KCTD1: variants seen among roughly 807,000 people sequenced by gnomAD.
The protein encoded by KCTD1 is potassium channel tetramerization domain containing 1.
In KCTD1, 24 loss-of-function variants were observed where a neutral mutation model predicts 66.0. The observed-to-expected ratio is 0.36, with a 90% CI of 0.26 to 0.51. The LOEUF is 0.51. Among genes scored for constraint, KCTD1 ranks in the 20% least tolerant of loss-of-function variants. The pLI, the probability that KCTD1 is intolerant of heterozygous loss-of-function variation, is 0.95. For synonymous variants in KCTD1, 511 were observed against 517.2 expected, an observed-to-expected ratio of 0.99 and a Z score of 0.16; for missense variants, 943 against 1,205.2, an observed-to-expected ratio of 0.78 and a Z score of 3.22.
At position 26,656,079 on chromosome 18, in the gene KCTD1, G is replaced by A. The variant is rs1449450374; in HGVS notation, c.9+1281C>T. ...GTTGGGGGGGCGGAGGAGGAAAGAGGTCAGAAAGGAGCCAAACTGAATCCC... is the reference window on the plus strand; with the variant it reads ...GTTGGGGGGGCGGAGGAGGAAAGAGATCAGAAAGGAGCCAAACTGAATCCC... On this transcript the variant is annotated intron_variant, in intron 1 of 4. Transcript: ENST00000580191. 2.0e-5 allele frequency among the ~76,000 whole-genome samples: 3 copies of A among 152,192 alleles called. No homozygotes were observed. The East Asian group carries it at 5.8e-4, about 30-fold the overall frequency.
intron 2 of KCTD1, among the ~76,000 whole-genome samples, chr18:26,485,748 C>T (rs1981884185): frequency 6.6e-6 from 1 of 152,066 alleles, no homozygotes; most frequent in Non-Finnish European, 1.5e-5. Context: ...CCACCCTCCT[C>T]TCAACACTGT....
At chr18:26,549,792 G>C, upstream of KCTD1, 1 of 985,468 alleles carries the variant, frequency 1.0e-6, no homozygotes, top group Non-Finnish European at 1.2e-6. Flanking sequence ...GCGCGGGGGC[G>C]GGCACCTCGG....
rs935291472 is a variant in KCTD1 at position 26,501,203 on chromosome 18, T to G, written c.1857A>C (p.Ala619=). 2 of 1,614,058 alleles carry G rather than the reference T, an allele frequency of 1.2e-6. No individual in the cohort carries two copies. The highest frequency in any genetic ancestry group is 1.7e-6 in the Non-Finnish European group (2 of 1,180,028). ...MSRPLITRSP[A]SPLNNQGIPT... ...GGATGCCTTGGTTGTTCAGTGGAGA[T>G]GCAGGGGATCTAGTGATCAGAGGTC... Residue 619 remains alanine, a synonymous_variant, in exon 2 of 5, where the codon GCA becomes GCC. Coordinates refer to ENST00000580059, the MANE Select transcript of KCTD1 (RefSeq NM_001142730.3).
chr18:26,590,414 G>T (rs1313624971), intron 1 of KCTD1, among the ~76,000 whole-genome samples: 1 of 152,090 alleles, frequency 6.6e-6, no homozygotes, highest in East Asian at 1.9e-4. Context: ...TCATTTATTA[G>T]AAATGTATTA....
intron 2 of KCTD1, among the ~76,000 whole-genome samples, chr18:26,494,720 A>G (rs1982379168): frequency 6.6e-6 from 1 of 152,212 alleles, no homozygotes; most frequent in Admixed American, 6.5e-5. Context: ...AGAGAAGAGG[A>G]AAATTTCTTC....
chr18:26,558,753 C>T (rs1423876824), intron 1 of KCTD1, among the ~76,000 whole-genome samples: 2 of 152,050 alleles, frequency 1.3e-5, no homozygotes, highest in Non-Finnish European at 2.9e-5. Flanking sequence ...GAAACCCCGT[C>T]TCTACTAAAA....
intron 1 of KCTD1, among the ~76,000 whole-genome samples, chr18:26,627,220 C>G (rs997436834): frequency 7.3e-5 from 11 of 151,610 alleles, no homozygotes; most frequent in Non-Finnish European, 1.2e-4. Flanking sequence ...TTTGTTGACT[C>G]TCCTCAATTT....
rs528077031 is a variant in KCTD1 at position 26,529,151 on chromosome 18, C to A, written c.1809+17577G>T. Among the ~76,000 whole-genome samples the A allele has an allele frequency of 2.6e-5, 4 of 152,282 alleles. No homozygotes were observed. The South Asian group carries it at 8.3e-4, about 32-fold the overall frequency. On this transcript the variant is annotated intron_variant, in intron 1 of 4. Transcript: ENST00000580059. ...TCCCCTGCAGTGGCCTCTGTTTCCACACACAGCACTAGCATGTCAATATCT... is the reference window on the plus strand; with the variant it reads ...TCCCCTGCAGTGGCCTCTGTTTCCAAACACAGCACTAGCATGTCAATATCT...
chr18:26,467,252 T>C (rs1335761173), intron 3 of KCTD1, among the ~76,000 whole-genome samples: 2 of 152,092 alleles, frequency 1.3e-5, no homozygotes, highest in East Asian at 3.9e-4. Context: ...TGGTGGTGGC[T>C]CACACCTGTA....
At position 26,650,034 on chromosome 18, in the gene KCTD1, A is replaced by C. The variant is rs116726039; in HGVS notation, c.9+7326T>G. ...ATCATTTCATAGCGTAAGTGTCTGCAGATTTTGGAAATCCCATGACAACTG... is the reference window on the plus strand; with the variant it reads ...ATCATTTCATAGCGTAAGTGTCTGCCGATTTTGGAAATCCCATGACAACTG... On this transcript the variant is annotated intron_variant, in intron 1 of 4. Transcript: ENST00000580191. 3.0e-3 allele frequency among the ~76,000 whole-genome samples: 454 copies of C among 152,342 alleles called. 4 individuals carry two copies. Among genetic ancestry groups the C allele is most frequent in the African/African-American group, 0.01 (427 of 41,578 alleles).
At chr18:26,600,302 A>T in intron 1 of KCTD1, 2 of 1,593,326 alleles carry the variant, frequency 1.3e-6, no homozygotes, top group South Asian at 2.2e-5. Context: ...AAACCTGGGG[A>T]AAAGGCACTT....
intron 1 of KCTD1, among the ~76,000 whole-genome samples, chr18:26,575,812 T>C (rs1258938353): frequency 6.6e-6 from 1 of 152,212 alleles, no homozygotes; most frequent in Non-Finnish European, 1.5e-5. Context: ...CTGCCCTCCC[T>C]AAAGCCTCAT....
In KCTD1 at chr18:26,507,602, C is replaced by T. The variant is rs187881820; in HGVS notation, c.1810-6352G>A. Among the ~76,000 whole-genome samples, 1,234 of 152,134 alleles carry T rather than the reference C, an allele frequency of 8.1e-3. 11 individuals are homozygous for T. Among genetic ancestry groups the T allele is most frequent in the African/African-American group, 0.028 (1,147 of 41,488 alleles). Reference sequence around the variant, plus strand: ...TGTTTATCCAGGCTGGTCTTGAACTCCTGGCCTCAAGTGATCAAATGCCTT... The same window carrying T: ...TGTTTATCCAGGCTGGTCTTGAACTTCTGGCCTCAAGTGATCAAATGCCTT... On this transcript the variant is annotated intron_variant, in intron 1 of 4. Transcript: ENST00000580059.
At position 26,523,055 on chromosome 18, in the gene KCTD1, T is replaced by A. The variant is rs80055508; in HGVS notation, c.1810-21805A>T. ...TATTTTAAATAGAGATATATTTTTT[T>A]AAAGTTACTCAAAAATTACATTTTT... On this transcript the variant is annotated intron_variant, in intron 1 of 4. Transcript: ENST00000580059. 3.3e-3 allele frequency among the ~76,000 whole-genome samples: 496 copies of A among 152,336 alleles called. 2 individuals are homozygous for A. Among genetic ancestry groups the A allele is most frequent in the African/African-American group, 0.011 (460 of 41,568 alleles).
At chr18:26,613,232 T>C (rs1488317677) in intron 1 of KCTD1, among the ~76,000 whole-genome samples, 2 of 152,188 alleles carry the variant, frequency 1.3e-5, no homozygotes, top group East Asian at 1.9e-4. Flanking sequence ...TTGATACTTT[T>C]AGTGTGTGAA....
chr18:26,627,737 G>T lies in KCTD1; in HGVS notation c.-16+1410C>A, dbSNP rs143474992. 8.5e-3 allele frequency among the ~76,000 whole-genome samples: 1,296 copies of T among 152,312 alleles called. 6 individuals carry two copies. Among genetic ancestry groups the T allele is most frequent in the Non-Finnish European group, 0.013 (910 of 68,028 alleles). ...TCATTTAGGCTTAGATGCTGCATTT[G>T]AATTCTATGATGTCATTAGTTTTTA... is the stretch of plus-strand genomic sequence containing the variant. On this transcript the variant is annotated intron_variant, in intron 1 of 4. Coordinates refer to the KCTD1 transcript ENST00000317932.
chr18:26,551,507 C>G (rs1397064069), upstream of KCTD1, among the ~76,000 whole-genome samples: 2 of 152,066 alleles, frequency 1.3e-5, no homozygotes, highest in Non-Finnish European at 2.9e-5. Context: ...GCACCAGCTC[C>G]GGAAAGGCTA....
intron 1 of KCTD1, among the ~76,000 whole-genome samples, chr18:26,519,676 G>A (rs1983821832): frequency 6.6e-6 from 1 of 152,174 alleles, no homozygotes; most frequent in Non-Finnish European, 1.5e-5. Flanking sequence ...TACTCGGACT[G>A]TGGGTATTAA....
At position 26,548,454 on chromosome 18, in the gene KCTD1, T is replaced by C. The variant is rs1273930281; in HGVS notation, c.83A>G (p.Asn28Ser). The C allele has an allele frequency of 2.3e-6, 3 of 1,300,626 alleles. No homozygotes were observed. Among genetic ancestry groups the C allele is most frequent in the Admixed American group, 8.0e-5 (2 of 25,120 alleles). 80.6% of individuals were successfully genotyped at this position (1,300,626 alleles called of 1,614,324 possible). ...GCGCTCGCCCTCGCCCCGCTCCCCA[T>C]TGTTCTCGGCGGCGGCGGCGGCAGC... Reference protein sequence around the residue: ...ASAAAAAAENNGERGEGERGA... With the variant: ...ASAAAAAAENSGERGEGERGA... The change falls in exon 1 of 5, where the codon AAT becomes AGT. Residue 28 changes from asparagine (N) to serine (S), a missense_variant. This residue lies in a region of KCTD1 where 236 missense variants were observed against 206.6 expected (regional missense o/e 1.14). Coordinates refer to ENST00000580059, the MANE Select transcript of KCTD1 (RefSeq NM_001142730.3).
Sources: allele counts gnomAD v4.1 joint callset (sites outside exome capture counted in the v4.1 genomes callset), GRCh38; gene constraint gnomAD v4.1.1; regional missense constraint gnomAD v4.1.1; transcripts MANE v1.5; gene names NCBI Gene and HGNC (gene_info 2026-07-23, HGNC 2026-07-21).